The following NLRP12 variants were observed in gnomAD, a reference collection of about 807,000 sequenced individuals.
NLRP12 encodes NLR family pyrin domain containing 12.
Under a neutral mutation model 91.2 loss-of-function variants are expected in NLRP12, and 108 were observed. That is an observed-to-expected ratio of 1.18 (90% CI 1.01 to 1.39). The LOEUF (loss-of-function observed/expected upper bound fraction) is 1.39. Ranked by LOEUF, NLRP12 falls within the 40% of genes most tolerant of loss-of-function variation. NLRP12 has a pLI of 0.00. For missense variants in NLRP12, 1,530 were observed against 1,352.7 expected (o/e 1.13, Z -2.06); for synonymous variants, 613 against 566.7 (o/e 1.08, Z -1.16).
chr19:53,794,956 CTT>C (rs1028902622), intron 9 of NLRP12, among the ~76,000 whole-genome samples: 1 of 151,826 alleles, frequency 6.6e-6, no homozygotes, highest in East Asian at 1.9e-4. Context: ...CTGCCTTGGC[CTT>C]TTTTTTCTTG....
At chr19:53,794,894 T>C (rs1163272860) in intron 9 of NLRP12, among the ~76,000 whole-genome samples, 1 of 151,382 alleles carries the variant, frequency 6.6e-6, no homozygotes, top group Non-Finnish European at 1.5e-5. Flanking sequence ...AGAGATGTGG[T>C]TTTGCTATGT....
intron 1 of NLRP12, 125 bp from the exon 2 acceptor site, chr19:53,815,113 T>C (rs1424761015): frequency 6.5e-6 from 5 of 763,924 alleles, no homozygotes; most frequent in East Asian, 2.5e-5. Flanking sequence ...GAATGTTCAG[T>C]AGTGACTGCA....
chr19:53,814,310 A>T (rs2092124190), intron 2 of NLRP12, among the ~76,000 whole-genome samples: 1 of 152,064 alleles, frequency 6.6e-6, no homozygotes, highest in Non-Finnish European at 1.5e-5. Context: ...GGTTACGTGG[A>T]TGTGACTGGT....
chr19:53,794,316 A>G (rs911674209), intron 9 of NLRP12, among the ~76,000 whole-genome samples, 180 bp from the exon 10 acceptor site: 2 of 151,360 alleles, frequency 1.3e-5, no homozygotes, highest in African/African-American at 4.9e-5. Context: ...AGCTGTGTTA[A>G]CTGCATAATT....
downstream of NLRP12, chr19:53,793,650 T>A (rs1187628568): frequency 3.5e-6 from 1 of 284,266 alleles, no homozygotes; most frequent in African/African-American, 2.2e-5. Flanking sequence ...AGTGGCGCGA[T>A]CTCGGCTCAC....
At chr19:53,808,065 T>C in intron 3 of NLRP12, 1 of 351,242 alleles carries the variant, frequency 2.8e-6, no homozygotes, top group East Asian at 7.4e-5. Context: ...ATGCTATCTT[T>C]TCATTTTTTT....
intron 1 of NLRP12, 95 bp downstream of exon 1, chr19:53,823,791 C>CT: frequency 7.2e-7 from 1 of 1,381,732 alleles, no homozygotes; most frequent in Non-Finnish European, 1.0e-6. Context: ...CTCAAGTGAT[C>CT]TGCCCTCTTC....
At position 53,810,302 on chromosome 19, in the gene NLRP12, G is replaced by GGAGGCGC. The variant is rs754949988; in HGVS notation, c.1350_1356dup (p.Gln453AlafsTer27). ...AACCCTCTCTGGTTGGGTGGGGGCT[G>GGAGGCGC]GAGGCGCGGGGCCCCCGGCTTGGGT... On this transcript the variant is annotated frameshift_variant, in exon 3 of 10. Transcript: ENST00000324134. LOFTEE classifies it high-confidence loss of function. The GGAGGCGC allele has an allele frequency of 3.1e-6, 5 of 1,613,756 alleles. No homozygotes were observed. In the African/African-American group the frequency reaches 6.7e-5, roughly 22 times the overall value.
Position 53,824,232 on chromosome 19 carries a change from G to T in NLRP12, c.-58C>A. The T allele has an allele frequency of 6.4e-7, 1 of 1,570,182 alleles. No homozygotes were observed. Among genetic ancestry groups the T allele is most frequent in the South Asian group, 1.1e-5 (1 of 90,040 alleles). The stretch of plus-strand genomic sequence containing the variant: ...GGAGGCTGAGATGCTCCTATGCACG[G>T]GACACAGGGCGACCCCAGCACACCT... On this transcript the variant is annotated 5_prime_UTR_variant, in exon 1 of 10. Transcript: ENST00000324134.
chr19:53,801,270 A>ACAG lies in NLRP12; in HGVS notation c.2710_2712dup (p.Leu904dup). 6.2e-7 allele frequency: 1 copy of ACAG among 1,613,794 alleles called. No individual in the cohort carries two copies. Among genetic ancestry groups the ACAG allele is most frequent in the Non-Finnish European group, 8.5e-7 (1 of 1,179,950 alleles). ...CACGTGGGATGCCTGAGGCCCTCACACAGCAGCAGCACCCCGAGGTCCCCC... is the reference window on the plus strand; with the variant it reads ...CACGTGGGATGCCTGAGGCCCTCACACAGCAGCAGCAGCACCCCGAGGTCCCCC... On this transcript the variant is annotated inframe_insertion, in exon 7 of 10. Coordinates refer to ENST00000324134, the MANE Select transcript of NLRP12 (RefSeq NM_144687.4).
rs1290264824 is a variant in NLRP12, at chr19:53,801,312, G to A, written c.2671C>T (p.Leu891=). 4 of 1,613,870 alleles carry A rather than the reference G, an allele frequency of 2.5e-6. No individual in the cohort carries two copies. The South Asian group carries it at 3.3e-5, about 13-fold the overall frequency. ...AGGTCCCCCAGCTCATTCAGGCTCA[G>A]GTCCAGCTCTCTCAGGCTCTGGTTC... is the stretch of plus-strand genomic sequence containing the variant. ...SVNQSLRELD[L]SLNELGDLGV... Residue 891 remains leucine, a synonymous_variant, in exon 7 of 10, where the codon CTG becomes TTG. Transcript: ENST00000324134.
At chr19:53,815,496 G>C (rs574001016) in intron 1 of NLRP12, among the ~76,000 whole-genome samples, 1 of 151,878 alleles carries the variant, frequency 6.6e-6, no homozygotes, top group Admixed American at 6.6e-5. Flanking sequence ...CAAAGTGCTG[G>C]GTTTACAGAT....
chr19:53,823,192 T>G (rs1319959124), intron 1 of NLRP12, among the ~76,000 whole-genome samples: 2 of 143,816 alleles, frequency 1.4e-5, no homozygotes, highest in East Asian at 3.9e-4. Context: ...CTCAGGGATT[T>G]TATATATATG....
chr19:53,794,948 G>T (rs1274446919), intron 9 of NLRP12, among the ~76,000 whole-genome samples: 1 of 152,000 alleles, frequency 6.6e-6, no homozygotes, highest in Non-Finnish European at 1.5e-5. Context: ...TGATTTGCCT[G>T]CCTTGGCCTT....
chr19:53,805,358 C>G lies in NLRP12; in HGVS notation c.2336G>C (p.Gly779Ala). ...CATGCCTGGGAATCCAACGCCGTTG[C>G]CACTGAGATCCATCCTTGTCAAATT... ...NKNLTRMDLS[G>A]NGVGFPGMML... The change falls in exon 5 of 10, where the codon GGC becomes GCC. Residue 779 changes from glycine (G) to alanine (A), a missense_variant. Gly to Ala is a moderately conservative substitution (Grantham distance 60). Coordinates refer to ENST00000324134, the MANE Select transcript of NLRP12 (RefSeq NM_144687.4). 1 of 1,614,086 alleles carries G rather than the reference C, an allele frequency of 6.2e-7. No individual in the cohort carries two copies. Among genetic ancestry groups the G allele is most frequent in the Non-Finnish European group, 8.5e-7 (1 of 1,180,018 alleles).
At chr19:53,797,636 C>T (rs1338725854) in intron 8 of NLRP12, among the ~76,000 whole-genome samples, 4 of 151,982 alleles carry the variant, frequency 2.6e-5, no homozygotes, top group Middle Eastern at 3.2e-3. Context: ...AGGCTGGTCT[C>T]GAACTCCTGA....
chr19:53,810,415 T>C lies in NLRP12; in HGVS notation c.1244A>G (p.Gln415Arg), dbSNP rs1387981144. Residue 415 changes from glutamine to arginine, a missense_variant, in exon 3 of 10, where the codon CAG (glutamine) becomes CGG (arginine). Transcript: ENST00000324134. The stretch of plus-strand genomic sequence containing the variant: ...CAGCCCCCCACCCTCCAGCTGCTGC[T>C]GGAGGCAGGTACACACCACCCAGCA... ...LVCWVVCTCL[Q>R]QQLEGGGLLR... is the part of the protein sequence containing the mutation. 6.2e-7 allele frequency: 1 copy of C among 1,613,802 alleles called. No individual in the cohort carries two copies. Among genetic ancestry groups the C allele is most frequent in the African/African-American group, 1.3e-5 (1 of 74,922 alleles).
At chr19:53,796,050 G>A (rs755319563) in intron 8 of NLRP12, 21 bp from the exon 9 acceptor site, 7 of 1,612,918 alleles carry the variant, frequency 4.3e-6, no homozygotes, top group Non-Finnish European at 5.9e-6. Context: ...TAAGGAGTTG[G>A]TTAAGGTAAC....
At chr19:53,817,462 G>A (rs62143197) in intron 1 of NLRP12, among the ~76,000 whole-genome samples, 38,736 of 151,296 alleles carry the variant, frequency 0.26, 5,306 homozygotes, top group African/African-American at 0.37. Flanking sequence ...GAGGCTGGGC[G>A]CGGTGGCTCA....
Sources: gnomAD v4.1 joint callset for allele counts (sites outside exome capture counted in the v4.1 genomes callset) on GRCh38, gnomAD v4.1.1 for gene constraint, MANE v1.5 for transcripts, NCBI Gene and HGNC (gene_info 2026-07-23, HGNC 2026-07-21) for gene names.